Variants in PLXNB2 observed in about 807,000 individuals in gnomAD.
PLXNB2 encodes the protein plexin-B2.
PLXNB2 carries 85 observed loss-of-function variants against 202.6 expected under a neutral mutation model. The ratio of observed to expected loss-of-function variants is 0.42; its 90% CI spans 0.35 to 0.50. The LOEUF is 0.50. PLXNB2 is among the 20% of genes least tolerant of loss of function. The pLI is 0.02. For synonymous variants in PLXNB2, 1,239 were observed against 1,137.6 expected, an observed-to-expected ratio of 1.09 and a Z score of -1.79; for missense variants, 2,063 against 2,586.2, an observed-to-expected ratio of 0.80 and a Z score of 4.39.
At chr22:50,295,249 C>G (rs28483439) in intron 1 of PLXNB2, among the ~76,000 whole-genome samples, 37,466 of 148,152 alleles carry the variant, frequency 0.25, 4,836 homozygotes, top group Non-Finnish European at 0.29. Context: ...TGAACCCGGC[C>G]GATGGAACTT....
rs752447399 is a variant in PLXNB2 at position 50,282,770 on chromosome 22, G to A, written c.2928C>T (p.Phe976=). 527 of 1,592,486 alleles carry A rather than the reference G, an allele frequency of 3.3e-4. 3 individuals are homozygous for A. The highest frequency in any genetic ancestry group is 1.2e-3 in the South Asian group (111 of 90,264). The change falls in exon 18 of 37, where the codon TTC becomes TTT. Residue 976 remains phenylalanine, a synonymous_variant. Coordinates refer to ENST00000359337, the MANE Select transcript of PLXNB2 (RefSeq NM_012401.4). The part of the protein sequence containing the change: ...GGSPVPNPGI[F]FTYRENPVLR... ...GTACGGGGTTTTCGCGGTAGGTGAA[G>A]AAGATGCCGGGGTTGGGCACGGGGG...
Position 50,298,354 on chromosome 22 carries a change from C to T in PLXNB2, c.-73-3576G>A, listed in dbSNP as rs527899571. Among the ~76,000 whole-genome samples the T allele has an allele frequency of 5.9e-5, 9 of 152,296 alleles. No individual in the cohort carries two copies. The South Asian group carries it at 1.9e-3, about 32-fold the overall frequency. ...GCTGGCTGGGCACCTGTGGCCCTCTCCTGAGGTCCCTTTTGTTTTTTTTTT... is the reference window on the plus strand; with the variant it reads ...GCTGGCTGGGCACCTGTGGCCCTCTTCTGAGGTCCCTTTTGTTTTTTTTTT... On this transcript the variant is annotated intron_variant, in intron 1 of 36. Coordinates refer to ENST00000359337, the MANE Select transcript of PLXNB2 (RefSeq NM_012401.4).
intron 1 of PLXNB2, among the ~76,000 whole-genome samples, chr22:50,304,003 G>C (rs921039666): frequency 6.6e-6 from 1 of 152,236 alleles, no homozygotes; most frequent in African/African-American, 2.4e-5. Context: ...CCTGGGACAT[G>C]AGGCAGCTCA....
At chr22:50,286,778 T>C (rs2066485552) in intron 8 of PLXNB2, among the ~76,000 whole-genome samples, 1 of 152,134 alleles carries the variant, frequency 6.6e-6, no homozygotes, top group Admixed American at 6.5e-5. Context: ...AAGCTGGACA[T>C]GGCAGGAAGG....
rs2066672107 is a variant in PLXNB2 at position 50,288,984 on chromosome 22, G to A, written c.1227C>T (p.Gly409=). The stretch of plus-strand genomic sequence containing the variant: ...CCTTGAGGATCCGGCCATCAGAGGT[G>A]CCCAGAAAAGCAACAGTGTGGTTGT... The part of the protein sequence containing the change: ...AENNHTVAFL[G]TSDGRILKVY... Residue 409 remains glycine (G), a synonymous_variant, in exon 4 of 37, where the codon GGC becomes GGT. Coordinates refer to ENST00000359337, the MANE Select transcript of PLXNB2 (RefSeq NM_012401.4). This position sits in a 1 kb window ranked among gnomAD's most constrained non-coding sequence, Gnocchi z 5.0. 2 of 1,609,354 alleles carry A rather than the reference G, an allele frequency of 1.2e-6. No homozygotes were observed. The highest frequency in any genetic ancestry group is 1.1e-5 in the South Asian group (1 of 90,984).
chr22:50,289,283 G>T lies in PLXNB2; in HGVS notation c.1069-141C>A. 1.1e-6 allele frequency: 1 copy of T among 937,582 alleles called. No homozygotes were observed. Among genetic ancestry groups the T allele is most frequent in the Non-Finnish European group, 1.6e-6 (1 of 644,902 alleles). 58.1% of individuals were successfully genotyped at this position (937,582 alleles called of 1,614,324 possible). A position where few individuals can be genotyped will look rare whatever the true frequency, so the allele number is the denominator to read the frequency against. On this transcript the variant is annotated intron_variant, in intron 3 of 36. Coordinates refer to ENST00000359337, the MANE Select transcript of PLXNB2 (RefSeq NM_012401.4). This position sits in a 1 kb window ranked among gnomAD's most constrained non-coding sequence, Gnocchi z 8.0. ...ACGTCCCCGAGAACAGAACCCACATGGCAGGGAGCCCCACCGTGCTCACTG... is the reference window on the plus strand; with the variant it reads ...ACGTCCCCGAGAACAGAACCCACATTGCAGGGAGCCCCACCGTGCTCACTG...
chr22:50,301,137 G>A (rs2067657798), intron 1 of PLXNB2, among the ~76,000 whole-genome samples: 1 of 152,180 alleles, frequency 6.6e-6, no homozygotes, highest in Non-Finnish European at 1.5e-5. Context: ...TCTGGAGGAT[G>A]GTCCTCCCCA....
intron 1 of PLXNB2, among the ~76,000 whole-genome samples, chr22:50,305,100 C>A (rs1272154313): frequency 6.6e-6 from 1 of 152,240 alleles, no homozygotes; most frequent in African/African-American, 2.4e-5. Context: ...ATATGAGGGG[C>A]CGGAAGACAC....
intron 35 of PLXNB2, among the ~76,000 whole-genome samples, chr22:50,276,308 C>T (rs2065569148): frequency 6.7e-6 from 1 of 148,560 alleles, no homozygotes; most frequent in African/African-American, 2.5e-5. Context: ...GTGGACACGG[C>T]CGTGGATGGA....
In PLXNB2 at chr22:50,275,680, C is replaced by T; in HGVS notation, c.*24G>A. The T allele has an allele frequency of 1.3e-6, 2 of 1,511,998 alleles. No individual in the cohort carries two copies. The highest frequency in any genetic ancestry group is 1.8e-6 in the Non-Finnish European group (2 of 1,104,122). The allele number at this position is 1,511,998 out of a possible 1,614,324, so 93.7% of individuals were successfully genotyped here. On this transcript the variant is annotated 3_prime_UTR_variant, in exon 37 of 37. Transcript: ENST00000359337. ...TCAGGTACCTCAGGTACCTATGTCC[C>T]AAGGCAGCACTGGAGATTGTAGGTC...
intron 2 of PLXNB2, among the ~76,000 whole-genome samples, chr22:50,293,157 G>A (rs1013553924): frequency 6.6e-6 from 1 of 152,206 alleles, no homozygotes; most frequent in African/African-American, 2.4e-5. Context: ...ACAAGCCCAC[G>A]GGAACCTCTG....
In PLXNB2 at chr22:50,281,618, G is replaced by A. The variant is rs376149647; in HGVS notation, c.3470C>T (p.Pro1157Leu). 4.8e-5 allele frequency: 78 copies of A among 1,609,066 alleles called. No homozygotes were observed. Among genetic ancestry groups the A allele is most frequent in the Non-Finnish European group, 5.3e-5 (63 of 1,177,650 alleles). Residue 1157 changes from proline to leucine, a missense_variant, in exon 21 of 37, where the codon CCG (proline) becomes CTG (leucine). Pro to Leu is a moderately conservative substitution (Grantham distance 98). Coordinates refer to ENST00000359337, the MANE Select transcript of PLXNB2 (RefSeq NM_012401.4). Reference protein sequence around the residue: ...LYCEPPEVQPPPKRRQKRDTT... With the variant: ...LYCEPPEVQPLPKRRQKRDTT... The stretch of plus-strand genomic sequence containing the variant: ...GTCTCGTTTCTGCCGCCGCTTGGGC[G>A]GGGGCTGCACCTCCGGGGGCTCACA...
Position 50,289,456 on chromosome 22 carries a change from C to G in PLXNB2, c.1068+61G>C. On this transcript the variant is annotated intron_variant, in intron 3 of 36. Transcript: ENST00000359337. This position sits in a 1 kb window ranked among gnomAD's most constrained non-coding sequence, Gnocchi z 8.0. ...GCACCCTCCCCAGCAGGCTGGGACA[C>G]GCAAACCCACGAACGGACGCCTGCA... is the stretch of plus-strand genomic sequence containing the variant. The G allele has an allele frequency of 6.7e-7, 1 of 1,501,094 alleles. No homozygotes were observed. Among genetic ancestry groups the G allele is most frequent in the Non-Finnish European group, 8.9e-7 (1 of 1,121,942 alleles). The allele number at this position is 1,501,094 out of a possible 1,614,324, so 93.0% of individuals were successfully genotyped here. A position where few individuals can be genotyped will look rare whatever the true frequency, so the allele number is the denominator to read the frequency against.
At position 50,288,219 on chromosome 22, in the gene PLXNB2, C is replaced by T. The variant is rs943973538; in HGVS notation, c.1381-182G>A. ...GGTGGCCATGCCTGGCCCAGGATCC[C>T]GATGGGAGCCCAGGGAAGCCTGGAG... On this transcript the variant is annotated intron_variant, in intron 5 of 36. Coordinates refer to ENST00000359337, the MANE Select transcript of PLXNB2 (RefSeq NM_012401.4). This position sits in a 1 kb window ranked among gnomAD's most constrained non-coding sequence, Gnocchi z 5.0. Among the ~76,000 whole-genome samples, 5 of 152,110 alleles carry T rather than the reference C, an allele frequency of 3.3e-5. No individual in the cohort carries two copies. Among genetic ancestry groups the T allele is most frequent in the African/African-American group, 4.8e-5 (2 of 41,406 alleles).
chr22:50,282,984 G>C (rs1361878610), intron 17 of PLXNB2, 66 bp downstream of exon 17: 1 of 1,571,484 alleles, frequency 6.4e-7, no homozygotes, highest in Non-Finnish European at 8.6e-7. Flanking sequence ...TCAGGTCTCA[G>C]TAAGTGCCCC....
Position 50,283,237 on chromosome 22 carries a change from C to T in PLXNB2, c.2680-51G>A, listed in dbSNP as rs534581662. ...GTGAGGACGGGGCACAGGACGCCCT[C>T]GGTCCTGGGCTGGATGGTAACTGTC... On this transcript the variant is annotated intron_variant, in intron 16 of 36. Coordinates refer to ENST00000359337, the MANE Select transcript of PLXNB2 (RefSeq NM_012401.4). The T allele has an allele frequency of 6.8e-5, 108 of 1,599,058 alleles. No individual in the cohort carries two copies. In the South Asian group the frequency reaches 9.7e-4, roughly 14 times the overall value.
At position 50,284,224 on chromosome 22, in the gene PLXNB2, C is replaced by G; in HGVS notation, c.2182-11G>C. The G allele has an allele frequency of 6.2e-7, 1 of 1,611,964 alleles. No homozygotes were observed. Among genetic ancestry groups the G allele is most frequent in the Non-Finnish European group, 8.5e-7 (1 of 1,179,090 alleles). ...GGCATCGTGGGACAGCTGGGGGACA[C>G]GCAGGGGCACACTGCACTTCCTGCC... On this transcript the variant is annotated splice_polypyrimidine_tract_variant and intron_variant, in intron 12 of 36. Coordinates refer to ENST00000359337, the MANE Select transcript of PLXNB2 (RefSeq NM_012401.4). The surrounding 1 kb of genome is among the most constrained non-coding windows in gnomAD (Gnocchi z 8.0).
At chr22:50,276,429 C>CGA (rs1158624725) in intron 35 of PLXNB2, among the ~76,000 whole-genome samples, 200 bp downstream of exon 35, 25 of 44,384 alleles carry the variant, frequency 5.6e-4, no homozygotes, top group African/African-American at 9.4e-4. Context: ...TGGGCAGGGC[C>CGA]TGGCTCCAAG....
At chr22:50,286,362 T>TGACTCCTGGGGCC (rs2066458416) in intron 8 of PLXNB2, 75 bp from the exon 9 acceptor site, 1 of 1,065,290 alleles carries the variant, frequency 9.4e-7, no homozygotes, top group African/African-American at 1.6e-5. Context: ...CCCCTGGGGC[T>TGACTCCTGGGGCC]GACTCCTGGG....
Sources: allele counts gnomAD v4.1 joint callset (sites outside exome capture counted in the v4.1 genomes callset), GRCh38; gene constraint gnomAD v4.1.1; non-coding constraint Gnocchi (gnomAD v3.1); transcripts MANE v1.5; gene names NCBI Gene and HGNC (gene_info 2026-07-23, HGNC 2026-07-21).